The following PRKG1 variants were observed in gnomAD, a reference collection of about 807,000 sequenced individuals.
PRKG1 encodes protein kinase cGMP-dependent 1.
In PRKG1, 35 loss-of-function variants were observed where a neutral mutation model predicts 88.1. That is an observed-to-expected ratio of 0.40 (90% CI 0.30 to 0.53). The LOEUF is 0.53. PRKG1 is among the 20% of genes least tolerant of loss of function. The probability of loss-of-function intolerance (pLI) is 0.59; values close to 1 mark genes in which losing one functional copy is unlikely to be tolerated. For synonymous variants in PRKG1, 303 were observed against 292.5 expected (o/e 1.04, Z -0.37); for missense variants, 540 against 839.8 (o/e 0.64, Z 4.41).
At chr10:52,094,812 T>C (rs142570268) in intron 7 of PRKG1, among the ~76,000 whole-genome samples, 31 of 152,162 alleles carry the variant, frequency 2.0e-4, no homozygotes, top group Admixed American at 2.0e-3. Flanking sequence ...CCTACTACAC[T>C]CATGGCCTCA....
At position 50,999,163 on chromosome 10, in the gene PRKG1, G is replaced by A. The variant is rs77443621; in HGVS notation, c.266+7519G>A. On this transcript the variant is annotated intron_variant, in intron 1 of 17. Coordinates refer to the PRKG1 transcript ENST00000401604. Reference sequence around the variant, plus strand: ...GTAATTTTTCCTGTCCAGTGTGCTAGCCGCATCTTCAACCTTTTTCTAGTA... The same window carrying A: ...GTAATTTTTCCTGTCCAGTGTGCTAACCGCATCTTCAACCTTTTTCTAGTA... 2.1e-4 allele frequency among the ~76,000 whole-genome samples: 32 copies of A among 152,296 alleles called. 1 individual carries two copies. In the East Asian group the frequency reaches 6.0e-3, roughly 28 times the overall value.
chr10:52,281,557 G>A (rs910297335), intron 13 of PRKG1, among the ~76,000 whole-genome samples: 8 of 151,918 alleles, frequency 5.3e-5, no homozygotes, highest in Non-Finnish European at 1.2e-4. Flanking sequence ...CAACCAAATC[G>A]TTTTAGAAAA....
At chr10:51,053,378 C>T (rs966551299) in intron 1 of PRKG1, among the ~76,000 whole-genome samples, 4 of 152,234 alleles carry the variant, frequency 2.6e-5, no homozygotes, top group Middle Eastern at 3.4e-3. Flanking sequence ...AATTTGGCTA[C>T]AAGACAGAGT....
At chr10:51,699,165 T>C in intron 3 of PRKG1, 1 of 1,614,194 alleles carries the variant, frequency 6.2e-7, no homozygotes, top group Non-Finnish European at 8.5e-7. Context: ...ACTGCTCTGG[T>C]AATCGATTCA....
At chr10:51,246,913 A>C (rs934745095) in intron 2 of PRKG1, among the ~76,000 whole-genome samples, 1 of 152,070 alleles carries the variant, frequency 6.6e-6, no homozygotes, top group African/African-American at 2.4e-5. Flanking sequence ...CAGTTCTTAA[A>C]CACTGGCAGC....
chr10:52,019,038 G>A (rs1236949052), intron 5 of PRKG1, among the ~76,000 whole-genome samples: 1 of 152,136 alleles, frequency 6.6e-6, no homozygotes, highest in African/African-American at 2.4e-5. Flanking sequence ...ATTGACATCT[G>A]GTGAGGGCCT....
chr10:52,097,225 A>G (rs536571207), intron 7 of PRKG1, among the ~76,000 whole-genome samples: 1 of 146,988 alleles, frequency 6.8e-6, no homozygotes, highest in South Asian at 2.1e-4. Context: ...GCTACTAGTT[A>G]ATAACTCATT....
chr10:51,339,076 C>G (rs781190409), intron 2 of PRKG1, among the ~76,000 whole-genome samples: 1 of 152,140 alleles, frequency 6.6e-6, no homozygotes, highest in Non-Finnish European at 1.5e-5. Context: ...CATAAGTAGT[C>G]TTAAATTTTG....
At position 50,991,143 on chromosome 10, in the gene PRKG1, T is replaced by C. The variant is rs556873486; in HGVS notation, c.-236T>C. ...ATTAGCACTCTGCCTCTCCTCTCCA[T>C]CGCTTTTAGACTTCTCATCCTCCCC... On this transcript the variant is annotated 5_prime_UTR_variant, in exon 1 of 18. Transcript: ENST00000401604. This position sits in a 1 kb window ranked among gnomAD's most constrained non-coding sequence, Gnocchi z 4.5. 142 of 510,990 alleles carry C rather than the reference T, an allele frequency of 2.8e-4. 3 individuals are homozygous for C. In the South Asian group the frequency reaches 3.0e-3, roughly 11 times the overall value. The allele number at this position is 510,990 out of a possible 1,614,324, so 31.7% of individuals were successfully genotyped here.
At chr10:52,196,181 T>A (rs1202539711) in intron 9 of PRKG1, among the ~76,000 whole-genome samples, 2 of 151,802 alleles carry the variant, frequency 1.3e-5, no homozygotes, top group African/African-American at 4.8e-5. Context: ...CCTGGCTAAT[T>A]TTTTTTGGTA....
At chr10:52,241,571 C>T (rs967931068) in intron 9 of PRKG1, among the ~76,000 whole-genome samples, 5 of 152,146 alleles carry the variant, frequency 3.3e-5, no homozygotes. Context: ...GTTTGACCCA[C>T]TACAACCATG....
chr10:51,666,615 C>G (rs936888310), intron 3 of PRKG1, among the ~76,000 whole-genome samples: 1 of 152,122 alleles, frequency 6.6e-6, no homozygotes, highest in Non-Finnish European at 1.5e-5. Flanking sequence ...GAAATATCTG[C>G]TAGTTCTGAG....
At chr10:51,125,088 C>T (rs923261099) in intron 1 of PRKG1, among the ~76,000 whole-genome samples, 3 of 152,150 alleles carry the variant, frequency 2.0e-5, no homozygotes, top group African/African-American at 4.8e-5. Context: ...AAGGCCAAGG[C>T]AGGTGGATTC....
chr10:51,137,404 A>G (rs555732360), intron 1 of PRKG1, among the ~76,000 whole-genome samples: 104 of 152,294 alleles, frequency 6.8e-4, no homozygotes, highest in South Asian at 1.5e-3. Flanking sequence ...CTGAAATCAA[A>G]GTTTCAGGAT....
intron 9 of PRKG1, among the ~76,000 whole-genome samples, chr10:52,233,321 A>G (rs1460120143): frequency 1.3e-5 from 2 of 152,054 alleles, no homozygotes; most frequent in Admixed American, 6.5e-5. Flanking sequence ...GGCATAAAGA[A>G]TTGTCATAAT....
chr10:52,110,595 C>A (rs1847540300), intron 7 of PRKG1, among the ~76,000 whole-genome samples: 1 of 152,050 alleles, frequency 6.6e-6, no homozygotes, highest in African/African-American at 2.4e-5. Flanking sequence ...GAGACCAATA[C>A]CACACTCTTT....
intron 3 of PRKG1, among the ~76,000 whole-genome samples, chr10:51,512,595 TG>T (rs1440016798): frequency 1.2e-5 from 1 of 82,700 alleles, no homozygotes; most frequent in Non-Finnish European, 2.3e-5. Context: ...AGTCTATCAT[TG>T]TTGGACATTT....
chr10:51,474,346 G>T (rs1403529604), intron 3 of PRKG1, among the ~76,000 whole-genome samples: 5 of 151,916 alleles, frequency 3.3e-5, no homozygotes, highest in Admixed American at 3.3e-4. Flanking sequence ...ACTTCTATTG[G>T]TCTGAGGACT....
At chr10:51,734,666 A>G (rs888965604) in intron 3 of PRKG1, among the ~76,000 whole-genome samples, 3 of 152,144 alleles carry the variant, frequency 2.0e-5, no homozygotes, top group African/African-American at 7.2e-5. Flanking sequence ...TCACTAAGGG[A>G]TGGTAGGTCA....
Sources: allele counts gnomAD v4.1 joint callset (sites outside exome capture counted in the v4.1 genomes callset), GRCh38; gene constraint gnomAD v4.1.1; non-coding constraint Gnocchi (gnomAD v3.1); transcripts MANE v1.5; gene names NCBI Gene and HGNC (gene_info 2026-07-23, HGNC 2026-07-21).